RBM45: variants seen among roughly 807,000 people sequenced by gnomAD.
The protein encoded by RBM45 is RNA-binding protein 45.
RBM45 carries 39 observed loss-of-function variants against 58.5 expected under a neutral mutation model. The ratio of observed to expected loss-of-function variants is 0.67; its 90% CI spans 0.52 to 0.87. RBM45 has a LOEUF of 0.87. Among genes scored for constraint, RBM45 ranks in the 40% least tolerant of loss-of-function variants. RBM45 has a pLI of 0.00. For missense variants in RBM45, 481 were observed against 581.6 expected (o/e 0.83, Z 1.78); for synonymous variants, 193 against 203.0 (o/e 0.95, Z 0.42).
intron 9 of RBM45, 81 bp downstream of exon 9, chr2:178,126,265 T>C: frequency 1.2e-6 from 1 of 847,498 alleles, no homozygotes; most frequent in Non-Finnish European, 1.7e-6. Context: ...TTATAAACTT[T>C]TCTTTTTAGT....
intron 2 of RBM45, among the ~76,000 whole-genome samples, chr2:178,117,818 C>T (rs1184252980): frequency 6.6e-6 from 1 of 152,188 alleles, no homozygotes; most frequent in Admixed American, 6.5e-5. Context: ...GCTATCCAGA[C>T]CATGTACAAA....
chr2:178,118,409 G>C (rs912291719), intron 3 of RBM45, among the ~76,000 whole-genome samples: 3 of 152,126 alleles, frequency 2.0e-5, no homozygotes, highest in African/African-American at 7.2e-5. Context: ...AACTTAGTAA[G>C]TGAAATGCAT....
At chr2:178,112,946 C>G in intron 1 of RBM45, 100 bp downstream of exon 1, 1 of 1,275,110 alleles carries the variant, frequency 7.8e-7, no homozygotes, top group Admixed American at 2.3e-5. Flanking sequence ...AGTGGAACAT[C>G]CGTTCCCGGC....
At chr2:178,125,760 A>T (rs1353999791) in intron 8 of RBM45, 1 of 676,722 alleles carries the variant, frequency 1.5e-6, no homozygotes, top group Non-Finnish European at 2.8e-6. Flanking sequence ...GGGTAAGGAA[A>T]CTAGTGAAAA....
At chr2:178,123,764 A>G in intron 6 of RBM45, 64 bp from the exon 7 acceptor site, 1 of 1,599,596 alleles carries the variant, frequency 6.3e-7, no homozygotes, top group Non-Finnish European at 8.5e-7. Context: ...GTCACACAAA[A>G]CAAGCTACTG....
chr2:178,120,147 A>G (rs947351873), intron 3 of RBM45, 140 bp from the exon 4 acceptor site: 4 of 981,012 alleles, frequency 4.1e-6, no homozygotes, highest in Non-Finnish European at 6.1e-6. Context: ...GCAAAGAAGT[A>G]GGTCTGGAGG....
At chr2:178,118,482 T>C (rs1037231274) in intron 3 of RBM45, among the ~76,000 whole-genome samples, 4 of 152,134 alleles carry the variant, frequency 2.6e-5, no homozygotes, top group African/African-American at 9.6e-5. Context: ...ATTTTAAGTA[T>C]TAAAAACTTG....
In RBM45 at chr2:178,116,270, T is replaced by C. The variant is rs1285330132; in HGVS notation, c.309T>C (p.Ile103=). ...PNDTKPIKVF[I]AQSRSSGSHR... Reference sequence around the variant, plus strand: ...TTTTGTTTGTTTCTTAGGTTTTCATTGCTCAGTCCCGATCATCTGGAAGTC... The same window carrying C: ...TTTTGTTTGTTTCTTAGGTTTTCATCGCTCAGTCCCGATCATCTGGAAGTC... Residue 103 remains isoleucine (I), a synonymous_variant, in exon 2 of 10, where the codon ATT becomes ATC. Coordinates refer to ENST00000286070, the MANE Select transcript of RBM45 (RefSeq NM_152945.4). 1 of 1,570,762 alleles carries C rather than the reference T, an allele frequency of 6.4e-7. No individual in the cohort carries two copies. Among genetic ancestry groups the C allele is most frequent in the East Asian group, 2.3e-5 (1 of 43,508 alleles).
At chr2:178,114,298 G>A (rs1035016513) in intron 1 of RBM45, among the ~76,000 whole-genome samples, 1 of 152,170 alleles carries the variant, frequency 6.6e-6, no homozygotes, top group Non-Finnish European at 1.5e-5. Flanking sequence ...TATGACCTTA[G>A]TGGAGAGGAT....
Position 178,112,507 on chromosome 2 carries a change from A to G in RBM45, c.-40A>G, listed in dbSNP as rs368329182. 6 of 1,572,744 alleles carry G rather than the reference A, an allele frequency of 3.8e-6. No individual in the cohort carries two copies. The African/African-American group carries it at 6.8e-5, about 18-fold the overall frequency. ...CAGCAGCGGTGGCAGACACCGCAGA[A>G]GCAAAGAGCAGTGAGGCTCCTGCAT... On this transcript the variant is annotated 5_prime_UTR_variant, in exon 1 of 10. Transcript: ENST00000286070.
chr2:178,127,038 GT>G, intron 9 of RBM45, among the ~76,000 whole-genome samples: 1 of 152,022 alleles, frequency 6.6e-6, no homozygotes, highest in Admixed American at 6.6e-5. Flanking sequence ...CTGGATACAA[GT>G]GATTCTTCTG....
chr2:178,118,879 G>C (rs1372522321), intron 3 of RBM45, among the ~76,000 whole-genome samples: 3 of 152,004 alleles, frequency 2.0e-5, no homozygotes, highest in Non-Finnish European at 4.4e-5. Context: ...TACCCCTAAG[G>C]TACATACCCA....
intron 5 of RBM45, among the ~76,000 whole-genome samples, chr2:178,121,790 C>A (rs1003573360): frequency 1.1e-4 from 17 of 152,186 alleles, no homozygotes; most frequent in Admixed American, 9.2e-4. Flanking sequence ...TAAATTTATA[C>A]CCCTCCTTCC....
intron 9 of RBM45, among the ~76,000 whole-genome samples, chr2:178,126,529 G>T (rs1162952147): frequency 2.0e-5 from 3 of 152,098 alleles, no homozygotes; most frequent in Non-Finnish European, 4.4e-5. Context: ...TACTTCTAAA[G>T]ATTTTTAACT....
intron 3 of RBM45, among the ~76,000 whole-genome samples, chr2:178,119,556 G>C (rs2087822058): frequency 6.6e-6 from 1 of 152,218 alleles, no homozygotes; most frequent in Non-Finnish European, 1.5e-5. Context: ...TTCCTTTGTA[G>C]ATTGTTTAGA....
At chr2:178,115,442 A>G (rs2087758421) in intron 1 of RBM45, among the ~76,000 whole-genome samples, 3 of 152,016 alleles carry the variant, frequency 2.0e-5, no homozygotes, top group Admixed American at 2.0e-4. Flanking sequence ...ACCATTTATT[A>G]CTGATATCAG....
chr2:178,128,935 C>T (rs1344292254), intron 9 of RBM45, among the ~76,000 whole-genome samples: 1 of 152,106 alleles, frequency 6.6e-6, no homozygotes, highest in African/African-American at 2.4e-5. Flanking sequence ...GGGGTAGGTG[C>T]ACTTTTTTGT....
At chr2:178,120,447 G>A (rs1293008522) in intron 4 of RBM45, 38 bp downstream of exon 4, 6 of 1,545,952 alleles carry the variant, frequency 3.9e-6, no homozygotes, top group Non-Finnish European at 5.2e-6. Flanking sequence ...GTATAATGTA[G>A]TATATGCAAT....
chr2:178,117,096 T>G (rs2087786854), intron 2 of RBM45, among the ~76,000 whole-genome samples: 1 of 152,168 alleles, frequency 6.6e-6, no homozygotes, highest in African/African-American at 2.4e-5. Context: ...GAATTGTAGT[T>G]TTTTATCTTT....
Sources: allele counts gnomAD v4.1 joint callset (sites outside exome capture counted in the v4.1 genomes callset), GRCh38; gene constraint gnomAD v4.1.1; transcripts MANE v1.5; gene names NCBI Gene and HGNC (gene_info 2026-07-23, HGNC 2026-07-21).